The following ZBTB7C variants were observed in gnomAD, a reference collection of about 807,000 sequenced individuals.
ZBTB7C encodes the protein zinc finger and BTB domain containing 7C, also known as zinc finger and BTB domain-containing protein 7C.
ZBTB7C carries 8 observed loss-of-function variants against 25.7 expected under a neutral mutation model. The ratio of observed to expected loss-of-function variants is 0.31; its 90% CI spans 0.18 to 0.56. ZBTB7C has a LOEUF of 0.56. Among genes scored for constraint, ZBTB7C ranks in the 20% least tolerant of loss-of-function variants. The probability of loss-of-function intolerance (pLI) is 0.91; values close to 1 mark genes in which losing one functional copy is unlikely to be tolerated. For synonymous variants in ZBTB7C, 394 were observed against 369.0 expected, an observed-to-expected ratio of 1.07 and a Z score of -0.78; for missense variants, 824 against 855.2, an observed-to-expected ratio of 0.96 and a Z score of 0.46.
intron 2 of ZBTB7C, among the ~76,000 whole-genome samples, chr18:48,296,235 T>A (rs1292704935): frequency 1.3e-5 from 2 of 152,124 alleles, no homozygotes; most frequent in African/African-American, 4.8e-5. Context: ...CTGCTCCCCA[T>A]GCAGGATGGG....
intron 4 of ZBTB7C, among the ~76,000 whole-genome samples, chr18:48,031,952 C>T (rs1355693887): frequency 6.6e-6 from 1 of 152,146 alleles, no homozygotes. Flanking sequence ...TCTTGGGCCT[C>T]CACAAATTCA....
intron 2 of ZBTB7C, among the ~76,000 whole-genome samples, chr18:48,204,438 C>T (rs942760930): frequency 2.6e-5 from 4 of 152,160 alleles, no homozygotes; most frequent in African/African-American, 9.7e-5. Context: ...GAGAGGATGA[C>T]TAATGCCCTT....
chr18:48,083,342 A>T (rs891626017), intron 3 of ZBTB7C, among the ~76,000 whole-genome samples: 2 of 152,044 alleles, frequency 1.3e-5, no homozygotes, highest in Non-Finnish European at 2.9e-5. Flanking sequence ...CCAAACTAAC[A>T]ATCTAGAAGC....
chr18:48,347,154 G>A lies in ZBTB7C; in HGVS notation c.-303-8756C>T, dbSNP rs559273135. Among the ~76,000 whole-genome samples, 145 of 130,602 alleles carry A rather than the reference G, an allele frequency of 1.1e-3. 6 individuals are homozygous for A. In the South Asian group the frequency reaches 0.036, roughly 32 times the overall value. 85.7% of individuals were successfully genotyped at this position (130,602 alleles called of 152,430 possible). ...TTTTTTTTTTTTTTTTTTTTGAGAC[G>A]GAGTCTCGCTCTGTTACCCAGGCTC... On this transcript the variant is annotated intron_variant, in intron 1 of 4. Coordinates refer to ENST00000590800, the MANE Select transcript of ZBTB7C (RefSeq NM_001318841.2).
intron 2 of ZBTB7C, among the ~76,000 whole-genome samples, chr18:48,274,816 T>G (rs1034357743): frequency 6.6e-6 from 1 of 152,238 alleles, no homozygotes; most frequent in African/African-American, 2.4e-5. Context: ...GAGGCTGATC[T>G]GCAGGCCAGG....
intron 2 of ZBTB7C, among the ~76,000 whole-genome samples, chr18:48,311,748 G>T (rs1049148403): frequency 1.3e-5 from 2 of 152,176 alleles, no homozygotes; most frequent in Non-Finnish European, 2.9e-5. Flanking sequence ...GGGCATGCAT[G>T]GCTGACAGTA....
At chr18:48,286,817 T>C (rs963371208) in intron 2 of ZBTB7C, among the ~76,000 whole-genome samples, 2 of 151,926 alleles carry the variant, frequency 1.3e-5, no homozygotes, top group Non-Finnish European at 2.9e-5. Context: ...TTTGGGAGGC[T>C]AAGGCAGGGG....
intron 2 of ZBTB7C, among the ~76,000 whole-genome samples, chr18:48,329,834 G>T (rs184623090): frequency 1.3e-5 from 2 of 152,138 alleles, no homozygotes; most frequent in Non-Finnish European, 2.9e-5. Flanking sequence ...AGTAGGGAGG[G>T]ACAAAAACTA....
intron 1 of ZBTB7C, among the ~76,000 whole-genome samples, chr18:48,342,153 C>T (rs1296645128): frequency 6.6e-6 from 1 of 152,182 alleles, no homozygotes; most frequent in Non-Finnish European, 1.5e-5. Context: ...GAGCTTGCCC[C>T]CTCCCAGTGC....
intron 4 of ZBTB7C, among the ~76,000 whole-genome samples, chr18:48,037,094 C>T (rs1598750725): frequency 1.3e-5 from 2 of 152,208 alleles, no homozygotes; most frequent in African/African-American, 2.4e-5. Context: ...ATCTCCTCCA[C>T]CCTGCCTTTC....
Position 48,140,275 on chromosome 18 carries a change from A to G in ZBTB7C, c.-17+45659T>C, listed in dbSNP as rs1419957622. 2.0e-5 allele frequency among the ~76,000 whole-genome samples: 3 copies of G among 152,258 alleles called. No individual in the cohort carries two copies. The South Asian group carries it at 6.2e-4, about 31-fold the overall frequency. On this transcript the variant is annotated intron_variant, in intron 3 of 4. Coordinates refer to ENST00000590800, the MANE Select transcript of ZBTB7C (RefSeq NM_001318841.2). ...AGAGTGTCTGCACACACGTGCATAAAGAGGCAGACACATGTATGAGCTCTG... is the reference window on the plus strand; with the variant it reads ...AGAGTGTCTGCACACACGTGCATAAGGAGGCAGACACATGTATGAGCTCTG...
At chr18:48,373,207 G>C (rs1036421486) in intron 1 of ZBTB7C, among the ~76,000 whole-genome samples, 11 of 151,820 alleles carry the variant, frequency 7.2e-5, no homozygotes, top group African/African-American at 2.4e-4. Context: ...CTTGGGGGCG[G>C]ATCCCTCACG....
intron 2 of ZBTB7C, among the ~76,000 whole-genome samples, chr18:48,219,223 G>C (rs905893850): frequency 1.3e-5 from 2 of 152,070 alleles, no homozygotes; most frequent in African/African-American, 4.8e-5. Flanking sequence ...ACTCACTCCC[G>C]AGCTGCAGTG....
intron 1 of ZBTB7C, among the ~76,000 whole-genome samples, chr18:48,342,985 G>A (rs2144984648): frequency 6.6e-6 from 1 of 152,254 alleles, no homozygotes; most frequent in Non-Finnish European, 1.5e-5. Context: ...GACAGTACCT[G>A]CTGGCTGGCC....
chr18:48,273,413 A>G (rs12455069), intron 2 of ZBTB7C, among the ~76,000 whole-genome samples: 39,781 of 151,950 alleles, frequency 0.26, 5,608 homozygotes, highest in Admixed American at 0.38. Flanking sequence ...TAAACTTGGT[A>G]TATGGAAAAC....
intron 2 of ZBTB7C, among the ~76,000 whole-genome samples, chr18:48,304,334 A>G (rs915400102): frequency 7.2e-5 from 11 of 152,328 alleles, no homozygotes; most frequent in African/African-American, 2.6e-4. Flanking sequence ...GACTGCCCCT[A>G]GGAAGGCGTT....
chr18:48,085,147 G>T (rs928120119), intron 3 of ZBTB7C, among the ~76,000 whole-genome samples: 3 of 152,094 alleles, frequency 2.0e-5, no homozygotes, highest in Non-Finnish European at 4.4e-5. Flanking sequence ...TGGGCTTTAC[G>T]GCAGGGCGGG....
intron 1 of ZBTB7C, among the ~76,000 whole-genome samples, chr18:48,395,654 C>T (rs1455095652): frequency 6.6e-6 from 1 of 152,140 alleles, no homozygotes; most frequent in African/African-American, 2.4e-5. Flanking sequence ...AAGGAGAGCT[C>T]AGTCACCAGG....
intron 3 of ZBTB7C, among the ~76,000 whole-genome samples, chr18:48,078,886 AT>A (rs2037874561): frequency 6.6e-6 from 1 of 152,190 alleles, no homozygotes; most frequent in Non-Finnish European, 1.5e-5. Flanking sequence ...TGCTTCATTC[AT>A]TTTTAATGGC....
Sources: gnomAD v4.1 joint callset for allele counts (sites outside exome capture counted in the v4.1 genomes callset) on GRCh38, gnomAD v4.1.1 for gene constraint, MANE v1.5 for transcripts, NCBI Gene and HGNC (gene_info 2026-07-23, HGNC 2026-07-21) for gene names.